The following SLC1A2 variants were observed in gnomAD, a reference collection of about 807,000 sequenced individuals.
The protein encoded by SLC1A2 is excitatory amino acid transporter 2.
A neutral mutation model predicts 48.8 loss-of-function variants in SLC1A2; 15 were observed. The ratio of observed to expected loss-of-function variants is 0.31; its 90% confidence interval spans 0.21 to 0.47. The LOEUF (loss-of-function observed/expected upper bound fraction) is 0.47, where lower values mean the gene tolerates loss of function less well. SLC1A2 is among the 20% of genes least tolerant of loss of function. The probability of loss-of-function intolerance (pLI) is 0.99; values close to 1 mark genes in which losing one functional copy is unlikely to be tolerated. For synonymous variants in SLC1A2, 279 were observed against 272.6 expected (o/e 1.02, Z -0.23); for missense variants, 502 against 730.5 (o/e 0.69, Z 3.61).
chr11:35,339,559 T>G (rs1852762562), intron 1 of SLC1A2, among the ~76,000 whole-genome samples: 2 of 152,130 alleles, frequency 1.3e-5, no homozygotes, highest in South Asian at 4.1e-4. Context: ...TCCTGGTGAC[T>G]CACAGGACCC....
chr11:35,274,095 A>G (rs535222557), intron 9 of SLC1A2, among the ~76,000 whole-genome samples: 1 of 152,258 alleles, frequency 6.6e-6, no homozygotes, highest in Non-Finnish European at 1.5e-5. Context: ...GCCTAACATT[A>G]CATTTTTATT....
At chr11:35,386,952 T>C (rs987480478) in intron 1 of SLC1A2, among the ~76,000 whole-genome samples, 1 of 152,192 alleles carries the variant, frequency 6.6e-6, no homozygotes, top group Non-Finnish European at 1.5e-5. Context: ...TTATTTGTTG[T>C]AGAGATGGAG....
intron 9 of SLC1A2, among the ~76,000 whole-genome samples, chr11:35,278,677 T>C (rs951232741): frequency 6.6e-6 from 1 of 152,038 alleles, no homozygotes; most frequent in East Asian, 1.9e-4. Flanking sequence ...TTTTCCTCTC[T>C]TTGGAAGGGT....
intron 1 of SLC1A2, among the ~76,000 whole-genome samples, chr11:35,339,241 A>C (rs1418425381): frequency 1.3e-4 from 20 of 152,252 alleles, no homozygotes; most frequent in Non-Finnish European, 2.6e-4. Flanking sequence ...TTCAGCAAGA[A>C]ACATGGAATC....
At chr11:35,372,142 G>A (rs1555016974) in intron 1 of SLC1A2, among the ~76,000 whole-genome samples, 1 of 152,188 alleles carries the variant, frequency 6.6e-6, no homozygotes, top group Non-Finnish European at 1.5e-5. Context: ...GAGAAGGGAT[G>A]GAGAGGGCAA....
intron 1 of SLC1A2, among the ~76,000 whole-genome samples, chr11:35,329,145 T>C (rs1475427801): frequency 6.6e-6 from 1 of 152,160 alleles, no homozygotes; most frequent in Non-Finnish European, 1.5e-5. Flanking sequence ...AGAAGCCAAT[T>C]TGAAAAGGCT....
In SLC1A2 at chr11:35,252,962, T is replaced by C. The variant is rs926814209; in HGVS notation, c.*7932A>G. 3.3e-5 allele frequency: 5 copies of C among 152,516 alleles called. No individual in the cohort carries two copies. The highest frequency in any genetic ancestry group is 1.3e-4 in the Admixed American group (2 of 15,282). The allele number at this position is 152,516 out of a possible 1,614,324, so 9.4% of individuals were successfully genotyped here. A position where few individuals can be genotyped will look rare whatever the true frequency, so the allele number is the denominator to read the frequency against. ...CCAGTCGAGGGTACATCTAATCTGT[T>C]TGTTTAATGAAGAGCAGGTTCAAAT... On this transcript the variant is annotated 3_prime_UTR_variant, in exon 11 of 11. Transcript: ENST00000278379.
intron 6 of SLC1A2, chr11:35,297,942 A>T (rs1173076258): frequency 6.6e-6 from 1 of 152,190 alleles, no homozygotes; most frequent in Admixed American, 6.5e-5. Flanking sequence ...ACACCAGAAT[A>T]TCGGGGCTTA....
chr11:35,256,595 C>T lies in SLC1A2; in HGVS notation c.*4299G>A, dbSNP rs1244564854. 2.1e-5 allele frequency: 3 copies of T among 144,042 alleles called. No individual in the cohort carries two copies. In the East Asian group the frequency reaches 6.4e-4, roughly 31 times the overall value. The allele number at this position is 144,042 out of a possible 1,614,324, so 8.9% of individuals were successfully genotyped here. A position where few individuals can be genotyped will look rare whatever the true frequency, so the allele number is the denominator to read the frequency against. ...ACAATTAGACTTACAAAACTCACTC[C>T]AGAATTCCTTCAGGCTGTTTTTTTT... On this transcript the variant is annotated 3_prime_UTR_variant, in exon 11 of 11. Coordinates refer to ENST00000278379, the MANE Select transcript of SLC1A2 (RefSeq NM_004171.4).
intron 1 of SLC1A2, among the ~76,000 whole-genome samples, chr11:35,367,049 G>A (rs572773086): frequency 1.3e-5 from 2 of 152,308 alleles, no homozygotes; most frequent in Admixed American, 1.3e-4. Context: ...TAGCAGACTT[G>A]CTACTTACCT....
chr11:35,292,258 A>C (rs1442164748), intron 7 of SLC1A2, 29 bp downstream of exon 7: 1 of 1,516,726 alleles, frequency 6.6e-7, no homozygotes, highest in Non-Finnish European at 9.1e-7. Context: ...GAGTGAGCAA[A>C]GAGAAAGGTG....
intron 8 of SLC1A2, among the ~76,000 whole-genome samples, chr11:35,284,012 T>C (rs1565213048): frequency 7.3e-6 from 1 of 136,624 alleles, no homozygotes; most frequent in South Asian, 2.2e-4. Context: ...AATTTGTTAT[T>C]GTTCCCATTA....
At chr11:35,414,344 C>T (rs1855548557) in intron 1 of SLC1A2, among the ~76,000 whole-genome samples, 1 of 152,166 alleles carries the variant, frequency 6.6e-6, no homozygotes, top group Non-Finnish European at 1.5e-5. Context: ...TCTTTTCTGA[C>T]ATCATTTAAA....
intron 1 of SLC1A2, chr11:35,392,417 C>G (rs4534557): frequency 0.37 from 56,416 of 152,160 alleles, 10,901 homozygotes; most frequent in South Asian, 0.46. Flanking sequence ...CCCCATGTGT[C>G]CAGGGCGGTG....
chr11:35,280,469 G>A, intron 9 of SLC1A2: 1 of 157,860 alleles, frequency 6.3e-6, no homozygotes. Flanking sequence ...AGCCCCAACT[G>A]ATCTCTTTCT....
intron 1 of SLC1A2, among the ~76,000 whole-genome samples, chr11:35,323,492 C>CT (rs1852144011): frequency 6.6e-6 from 1 of 152,188 alleles, no homozygotes; most frequent in Admixed American, 6.5e-5. Flanking sequence ...TTCTCTTAAT[C>CT]TATAAAATAA....
intron 1 of SLC1A2, among the ~76,000 whole-genome samples, chr11:35,389,446 CCTT>C (rs890474501): frequency 8.0e-5 from 12 of 149,764 alleles, no homozygotes; most frequent in African/African-American, 2.9e-4. Context: ...TTCTTCTTCT[CCTT>C]CTCCTTCTTC....
At chr11:35,398,074 G>T (rs544907177) in intron 1 of SLC1A2, among the ~76,000 whole-genome samples, 26 of 152,258 alleles carry the variant, frequency 1.7e-4, no homozygotes, top group African/African-American at 5.5e-4. Context: ...TTTGACTGTG[G>T]TCCTCAGGAT....
intron 2 of SLC1A2, chr11:35,316,500 A>G (rs1323914900): frequency 1.3e-5 from 2 of 152,186 alleles, no homozygotes; most frequent in African/African-American, 4.8e-5. Context: ...TATTAAGTGA[A>G]CTTAGCTGTG....
Sources: allele counts gnomAD v4.1 joint callset (sites outside exome capture counted in the v4.1 genomes callset), GRCh38; gene constraint gnomAD v4.1.1; transcripts MANE v1.5; gene names NCBI Gene and HGNC (gene_info 2026-07-23, HGNC 2026-07-21).